Variants in ERAP1 observed in about 807,000 individuals in gnomAD.
ERAP1 encodes the protein adipocyte-derived leucine aminopeptidase.
A neutral mutation model predicts 103.7 loss-of-function variants in ERAP1; 86 were observed. The observed-to-expected ratio is 0.83, with a 90% CI of 0.70 to 0.99. The LOEUF (loss-of-function observed/expected upper bound fraction) is 0.99, where lower values mean the gene tolerates loss of function less well. Ranked by LOEUF, ERAP1 falls within the 50% of genes least tolerant of loss-of-function variation. The pLI, the probability that ERAP1 is intolerant of heterozygous loss-of-function variation, is 0.00. For missense variants in ERAP1, 1,009 were observed against 1,128.4 expected, an observed-to-expected ratio of 0.89 and a Z score of 1.52; for synonymous variants, 398 against 402.4, an observed-to-expected ratio of 0.99 and a Z score of 0.13.
the ERAP1 span, among the ~76,000 whole-genome samples, chr5:96,916,564 C>T: frequency 6.0e-5 from 9 of 149,386 alleles, no homozygotes; most frequent in African/African-American, 1.5e-4. Context: ...CCCAGGTTCA[C>T]GCCATTCTCC....
chr5:96,790,522 C>G lies in ERAP1; in HGVS notation c.1442G>C (p.Ser481Thr), dbSNP rs752155775. The change falls in exon 9 of 19, where the codon AGT becomes ACT. Residue 481 changes from serine to threonine, a missense_variant. By Grantham distance (58) the Ser-to-Thr change is moderately conservative. Around this residue, in one of 3 missense-constraint regions of ERAP1, gnomAD observed 611 missense variants for 651.7 expected, o/e 0.94. Transcript: ENST00000443439. ...KNTKNEDLWD[S>T]MASICPTDGV... ...CAAAAACATACTCACACTTGCCATACTATCCCACAGGTCCTCGTTTTTTGT... is the reference window on the plus strand; with the variant it reads ...CAAAAACATACTCACACTTGCCATAGTATCCCACAGGTCCTCGTTTTTTGT... The G allele has an allele frequency of 1.2e-6, 2 of 1,613,942 alleles. No individual in the cohort carries two copies. The highest frequency in any genetic ancestry group is 8.5e-7 in the Non-Finnish European group (1 of 1,179,898).
the ERAP1 span, among the ~76,000 whole-genome samples, chr5:96,853,092 A>C: frequency 6.6e-6 from 1 of 152,156 alleles, no homozygotes; most frequent in African/African-American, 2.4e-5. Flanking sequence ...GACTGGACTG[A>C]GCTGGCAGGA....
chr5:96,909,018 A>AACAAGCAGCCCCGC, the ERAP1 span: 1 of 1,614,186 alleles, frequency 6.2e-7, no homozygotes, highest in Non-Finnish European at 8.5e-7. Context: ...TCCAACATGA[A>AACAAGCAGCCCCGC]ACAAGCAGCC....
intron 2 of ERAP1, among the ~76,000 whole-genome samples, chr5:96,802,241 G>A (rs934327080): frequency 5.3e-5 from 8 of 151,604 alleles, no homozygotes; most frequent in African/African-American, 1.9e-4. Flanking sequence ...CATTCCCGAG[G>A]GATTAAAGAT....
rs1776495900 is a variant in ERAP1, at chr5:96,789,599, A to C, written c.1524+697T>G. Among the ~76,000 whole-genome samples, 2 of 152,218 alleles carry C rather than the reference A, an allele frequency of 1.3e-5. 1 individual carries two copies. Among genetic ancestry groups the C allele is most frequent in the South Asian group, 4.1e-4 (2 of 4,828 alleles). ...GCCAAGAAAGTAAACATATAAAAAG[A>C]AAAAAGAAACAAAAAATTCTGTTGT... On this transcript the variant is annotated intron_variant, in intron 10 of 18. Transcript: ENST00000443439.
Position 96,800,908 on chromosome 5 carries a change from T to C in ERAP1, c.617A>G (p.Lys206Arg), listed in dbSNP as rs770185610. The C allele has an allele frequency of 1.0e-4, 161 of 1,613,978 alleles. No homozygotes were observed. Among genetic ancestry groups the C allele is most frequent in the Non-Finnish European group, 1.3e-4 (156 of 1,180,038 alleles). The change falls in exon 3 of 19, where the codon AAA becomes AGA. Residue 206 changes from lysine (K) to arginine (R), a missense_variant. Around this residue, in one of 3 missense-constraint regions of ERAP1, gnomAD observed 392 missense variants for 455.2 expected, o/e 0.86. Transcript: ENST00000443439. The stretch of plus-strand genomic sequence containing the variant: ...TAGGTGCCTTGGCTCTCTTCTAATT[T>C]TGATTGAGAAACTTGCTTTGAAGGC... ...EPAFKASFSI[K>R]IRREPRHLAI...
chr5:96,903,771 G>A, the ERAP1 span, among the ~76,000 whole-genome samples: 1 of 152,108 alleles, frequency 6.6e-6, no homozygotes. Context: ...TTAAAATGTG[G>A]AGAACTTTAC....
At chr5:96,873,451 T>C in the ERAP1 span, 1 of 454,000 alleles carries the variant, frequency 2.2e-6, no homozygotes, top group East Asian at 7.0e-5. Flanking sequence ...CAAATGCCTG[T>C]AGTTTGGGAC....
At chr5:96,895,182 T>TTC in the ERAP1 span, 2 of 1,011,858 alleles carry the variant, frequency 2.0e-6, no homozygotes, top group Admixed American at 2.3e-5. Flanking sequence ...CTATTGTATT[T>TTC]TTTGCTAAAG....
At chr5:96,817,801 G>A in the ERAP1 span, among the ~76,000 whole-genome samples, 1 of 152,226 alleles carries the variant, frequency 6.6e-6, no homozygotes. Context: ...AGAGCTGCCT[G>A]TCTCCCTACC....
At chr5:96,924,857 C>T in the ERAP1 span, among the ~76,000 whole-genome samples, 56,741 of 151,986 alleles carry the variant, frequency 0.37, 10,757 homozygotes, top group Non-Finnish European at 0.42. Flanking sequence ...CTCGGCCTCT[C>T]AAAGTGCTGG....
At chr5:96,763,186 A>C in exon 20 of ERAP1, 1 of 780,726 alleles carries the variant, frequency 1.3e-6, no homozygotes, top group Non-Finnish European at 2.4e-6. Context: ...GTAGTCTGAG[A>C]TTCTGATGGA....
chr5:96,840,825 C>T, the ERAP1 span, among the ~76,000 whole-genome samples: 6 of 152,098 alleles, frequency 3.9e-5, no homozygotes, highest in African/African-American at 1.4e-4. Flanking sequence ...CCTGCCTCAG[C>T]CTCCCAACTG....
intron 5 of ERAP1, 80 bp from the exon 6 acceptor site, chr5:96,794,037 G>C: frequency 6.9e-7 from 1 of 1,445,708 alleles, no homozygotes; most frequent in Non-Finnish European, 9.7e-7. Context: ...GAATGGATAG[G>C]TGTTTGAACC....
chr5:96,765,139 G>C, intron 19 of ERAP1: 1 of 804,530 alleles, frequency 1.2e-6, no homozygotes, highest in Non-Finnish European at 2.1e-6. Context: ...GTTCCCTCCT[G>C]AAAAGATGGA....
At chr5:96,793,247 A>AT (rs1413179496) in intron 7 of ERAP1, among the ~76,000 whole-genome samples, 153 bp downstream of exon 7, 3 of 152,224 alleles carry the variant, frequency 2.0e-5, no homozygotes, top group Non-Finnish European at 4.4e-5. Context: ...GTTCACTAGC[A>AT]TTTTTGCAAC....
At chr5:96,812,388 T>C (rs1228238938), upstream of ERAP1, among the ~76,000 whole-genome samples, 1 of 152,244 alleles carries the variant, frequency 6.6e-6, no homozygotes. Flanking sequence ...ATTGTCAATA[T>C]GAACAGATTA....
downstream of ERAP1, chr5:96,773,593 T>A (rs1469479872): frequency 6.6e-6 from 1 of 151,430 alleles, no homozygotes; most frequent in Non-Finnish European, 1.5e-5. Flanking sequence ...CTTCTGCTTT[T>A]AAAAAAATTA....
chr5:96,879,919 T>C, the ERAP1 span: 2 of 1,614,182 alleles, frequency 1.2e-6, no homozygotes, highest in Non-Finnish European at 8.5e-7. Context: ...CTCTCCATTA[T>C]GACCTCTTTG....
Sources: allele counts gnomAD v4.1 joint callset (sites outside exome capture counted in the v4.1 genomes callset), GRCh38; gene constraint gnomAD v4.1.1; regional missense constraint gnomAD v4.1.1; transcripts MANE v1.5; gene names NCBI Gene and HGNC (gene_info 2026-07-23, HGNC 2026-07-21).